The following HMCN1 variants were observed in gnomAD, a reference collection of about 807,000 sequenced individuals.
The protein encoded by HMCN1 is hemicentin 1.
HMCN1 carries 321 observed loss-of-function variants against 625.9 expected under a neutral mutation model. That is an observed-to-expected ratio of 0.51 (90% confidence interval 0.47 to 0.56). HMCN1 has a LOEUF of 0.56. Ranked by LOEUF, HMCN1 falls within the 20% of genes least tolerant of loss-of-function variation. HMCN1 has a pLI of 0.00. For synonymous variants in HMCN1, 2,425 were observed against 2,417.6 expected (o/e 1.00, Z -0.09); for missense variants, 6,588 against 6,887.3 (o/e 0.96, Z 1.54).
chr1:185,842,361 C>A (rs1017884102), intron 1 of HMCN1, among the ~76,000 whole-genome samples: 6 of 152,044 alleles, frequency 3.9e-5, no homozygotes, highest in African/African-American at 1.4e-4. Context: ...AATATCCACC[C>A]AGCCAGCCTG....
At chr1:186,160,253 G>T (rs1175803452) in intron 97 of HMCN1, among the ~76,000 whole-genome samples, 1 of 146,352 alleles carries the variant, frequency 6.8e-6, no homozygotes, top group Non-Finnish European at 1.5e-5. Context: ...ATTTCTGTGG[G>T]ATCGGTGGTG....
At chr1:185,864,049 G>T (rs1663031034) in intron 2 of HMCN1, among the ~76,000 whole-genome samples, 2 of 152,174 alleles carry the variant, frequency 1.3e-5, no homozygotes, top group Non-Finnish European at 2.9e-5. Flanking sequence ...GCATCTGGCT[G>T]CTTCTGCAGA....
At chr1:185,994,624 G>A (rs1363549515) in intron 23 of HMCN1, among the ~76,000 whole-genome samples, 191 bp from the exon 24 acceptor site, 1 of 151,996 alleles carries the variant, frequency 6.6e-6, no homozygotes, top group Non-Finnish European at 1.5e-5. Context: ...GGATTATCAA[G>A]GAAACAGGCC....
At chr1:186,138,694 A>T (rs1427026924) in intron 89 of HMCN1, among the ~76,000 whole-genome samples, 1 of 152,194 alleles carries the variant, frequency 6.6e-6, no homozygotes, top group African/African-American at 2.4e-5. Flanking sequence ...GCCTCAGAGA[A>T]AAAGAGTTCC....
intron 38 of HMCN1, among the ~76,000 whole-genome samples, chr1:186,039,473 A>G (rs1244500369): frequency 1.3e-5 from 2 of 152,112 alleles, no homozygotes. Flanking sequence ...CCGGCATAAA[A>G]AACTGATTTT....
At chr1:185,897,514 A>G (rs913132755) in intron 4 of HMCN1, among the ~76,000 whole-genome samples, 1 of 152,098 alleles carries the variant, frequency 6.6e-6, no homozygotes, top group African/African-American at 2.4e-5. Flanking sequence ...GCTATGACAC[A>G]CTTTAGTATC....
At chr1:186,088,869 A>T in intron 63 of HMCN1, 114 bp downstream of exon 63, 3 of 979,490 alleles carry the variant, frequency 3.1e-6, no homozygotes, top group African/African-American at 1.6e-5. Flanking sequence ...TCTTTAGATC[A>T]TCAAAAACTA....
chr1:185,805,723 T>A (rs1392654108), intron 1 of HMCN1, among the ~76,000 whole-genome samples: 1 of 152,174 alleles, frequency 6.6e-6, no homozygotes, highest in Non-Finnish European at 1.5e-5. Flanking sequence ...TCACTGCCTC[T>A]CTCTACTGCG....
Position 186,187,908 on chromosome 1 carries a change from T to A in HMCN1, c.16440T>A (p.Asn5480Lys), listed in dbSNP as rs188771010. ...CQDIDECLEQ[N>K]VHCGPNRMCF... ...ATATCGATGAATGTCTGGAGCAGAA[T>A]GTGCACTGTGGACCCAATCGCATGT... is the stretch of plus-strand genomic sequence containing the variant. The change falls in exon 106 of 107, where the codon AAT becomes AAA. Residue 5480 changes from asparagine to lysine, a missense_variant. Around this residue, in one of 3 missense-constraint regions of HMCN1, gnomAD observed 1,954 missense variants for 2,013.1 expected, o/e 0.97. Coordinates refer to ENST00000271588, the MANE Select transcript of HMCN1 (RefSeq NM_031935.3). 3 of 1,613,808 alleles carry A rather than the reference T, an allele frequency of 1.9e-6. No homozygotes were observed. In the Admixed American group the frequency reaches 5.0e-5, roughly 27 times the overall value.
At chr1:185,743,362 T>A (rs1654116959) in intron 1 of HMCN1, among the ~76,000 whole-genome samples, 1 of 152,210 alleles carries the variant, frequency 6.6e-6, no homozygotes, top group Non-Finnish European at 1.5e-5. Flanking sequence ...ATAATATATC[T>A]CCCATCCAAG....
Position 186,085,063 on chromosome 1 carries a change from A to G in HMCN1, c.8885-1183A>G, listed in dbSNP as rs1659390711. On this transcript the variant is annotated intron_variant, in intron 57 of 106. Transcript: ENST00000271588. ...GCACTTAGGTAGCTCACCATGGCTG[A>G]AGGAAATCTTGAAGGCAGGAATATT... is the stretch of plus-strand genomic sequence containing the variant. Among the ~76,000 whole-genome samples, 2 of 152,102 alleles carry G rather than the reference A, an allele frequency of 1.3e-5. 1 individual carries two copies. Among genetic ancestry groups the G allele is most frequent in the South Asian group, 4.1e-4 (2 of 4,830 alleles).
chr1:185,851,107 A>C (rs1357217568), intron 2 of HMCN1, among the ~76,000 whole-genome samples: 1 of 152,108 alleles, frequency 6.6e-6, no homozygotes, highest in African/African-American at 2.4e-5. Context: ...TATCTCACAA[A>C]TTTCTTAAAA....
chr1:185,886,978 G>C (rs1480896198), intron 4 of HMCN1, among the ~76,000 whole-genome samples: 2 of 152,018 alleles, frequency 1.3e-5, no homozygotes, highest in Non-Finnish European at 2.9e-5. Flanking sequence ...CTCTAATTAG[G>C]CTAGCTTTTT....
chr1:185,964,117 G>C (rs1650232298), intron 13 of HMCN1, among the ~76,000 whole-genome samples: 1 of 151,988 alleles, frequency 6.6e-6, no homozygotes, highest in Non-Finnish European at 1.5e-5. Context: ...AAGCTTCCAG[G>C]TTATGGAATA....
At chr1:185,846,165 T>G in intron 2 of HMCN1, 69 bp downstream of exon 2, 1 of 1,227,632 alleles carries the variant, frequency 8.1e-7, no homozygotes, top group Non-Finnish European at 1.2e-6. Flanking sequence ...ATTTTCTTTA[T>G]TTTTTAAATC....
chr1:186,015,376 T>C lies in HMCN1; in HGVS notation c.4848T>C (p.Tyr1616=). The change falls in exon 31 of 107, where the codon TAT becomes TAC. Residue 1616 remains tyrosine, a synonymous_variant. Coordinates refer to ENST00000271588, the MANE Select transcript of HMCN1 (RefSeq NM_031935.3). ...CACAGGTCTCTGATTCAGCAACATA[T>C]ACGTGTCATGTAGCCAATGTTGCTG... ...PRAQVSDSAT[Y]TCHVANVAGT... is the part of the protein sequence containing the mutation. 3 of 1,613,566 alleles carry C rather than the reference T, an allele frequency of 1.9e-6. No individual in the cohort carries two copies. The highest frequency in any genetic ancestry group is 1.1e-5 in the South Asian group (1 of 91,072).
At chr1:185,961,917 TAC>T (rs1650050552) in intron 11 of HMCN1, among the ~76,000 whole-genome samples, 1 of 152,200 alleles carries the variant, frequency 6.6e-6, no homozygotes, top group Non-Finnish European at 1.5e-5. Flanking sequence ...AGAGCCAAGT[TAC>T]AGTTTAGGAA....
In HMCN1 at chr1:186,001,434, T is replaced by C. The variant is rs759273685; in HGVS notation, c.4200+6T>C. 5.6e-6 allele frequency: 9 copies of C among 1,612,378 alleles called. No homozygotes were observed. The highest frequency in any genetic ancestry group is 1.3e-5 in the African/African-American group (1 of 74,854). ...GGTATAAAGATAATGTCCAGGTAAATAGAGTCATCCAAATACGTGTAATTC... is the reference window on the plus strand; with the variant it reads ...GGTATAAAGATAATGTCCAGGTAAACAGAGTCATCCAAATACGTGTAATTC... On this transcript the variant is annotated splice_donor_region_variant and intron_variant, in intron 27 of 106. Coordinates refer to ENST00000271588, the MANE Select transcript of HMCN1 (RefSeq NM_031935.3).
chr1:186,088,488 T>C, intron 62 of HMCN1, 118 bp from the exon 63 acceptor site: 33 of 1,369,142 alleles, frequency 2.4e-5, no homozygotes, highest in Non-Finnish European at 3.2e-5. Context: ...AAAAAGAAAA[T>C]GGAGAACTTT....
Sources: allele counts gnomAD v4.1 joint callset (sites outside exome capture counted in the v4.1 genomes callset), GRCh38; gene constraint gnomAD v4.1.1; regional missense constraint gnomAD v4.1.1; transcripts MANE v1.5; gene names NCBI Gene and HGNC (gene_info 2026-07-23, HGNC 2026-07-21).